ERG: variants seen among roughly 807,000 people sequenced by gnomAD.
ERG encodes transcriptional regulator ERG.
Under a neutral mutation model 55.3 loss-of-function variants are expected in ERG, and 9 were observed. The ratio of observed to expected loss-of-function variants is 0.16; its 90% CI spans 0.10 to 0.28. The LOEUF is 0.28. Among genes scored for constraint, ERG ranks in the 10% least tolerant of loss-of-function variants. The pLI is 1.00. For missense variants in ERG, 434 were observed against 631.6 expected, an observed-to-expected ratio of 0.69 and a Z score of 3.35; for synonymous variants, 223 against 237.3, an observed-to-expected ratio of 0.94 and a Z score of 0.55.
chr21:38,530,075 T>C (rs1408174916), intron 2 of ERG, among the ~76,000 whole-genome samples: 1 of 152,180 alleles, frequency 6.6e-6, no homozygotes, highest in Non-Finnish European at 1.5e-5. Context: ...TGTTTTTGTT[T>C]TTGAGACAGA....
chr21:38,615,977 T>G (rs1390430474), intron 1 of ERG, among the ~76,000 whole-genome samples: 2 of 152,084 alleles, frequency 1.3e-5, no homozygotes, highest in Non-Finnish European at 2.9e-5. Flanking sequence ...AAATCTCATC[T>G]CAATTTGTAA....
chr21:38,465,706 A>G (rs771479432), intron 1 of ERG, among the ~76,000 whole-genome samples: 2 of 152,214 alleles, frequency 1.3e-5, no homozygotes, highest in Non-Finnish European at 2.9e-5. Context: ...CTGCGTACTA[A>G]AATTGCTCTG....
rs548724235 is a variant in ERG at position 38,573,639 on chromosome 21, C to G, written c.-41+2023G>C. Reference sequence around the variant, plus strand: ...CTCACATGTTTTTTGCTGACCTTCTCCTTATTATCACCCTGCTCTCCTACT... The same window carrying G: ...CTCACATGTTTTTTGCTGACCTTCTGCTTATTATCACCCTGCTCTCCTACT... On this transcript the variant is annotated intron_variant, in intron 2 of 8. Transcript: ENST00000398897. Among the ~76,000 whole-genome samples the G allele has an allele frequency of 2.6e-5, 4 of 152,214 alleles. No individual in the cohort carries two copies. In the South Asian group the frequency reaches 6.2e-4, roughly 24 times the overall value.
intron 1 of ERG, among the ~76,000 whole-genome samples, chr21:38,596,719 G>A (rs568850085): frequency 6.6e-6 from 1 of 152,274 alleles, no homozygotes; most frequent in Non-Finnish European, 1.5e-5. Flanking sequence ...TTTTGGCAAC[G>A]AGTCTCTGAA....
chr21:38,486,091 G>A (rs1174987323), intron 1 of ERG, among the ~76,000 whole-genome samples: 1 of 151,696 alleles, frequency 6.6e-6, no homozygotes. Context: ...GTGCCACCAT[G>A]CCTGGCTAAT....
At chr21:38,590,568 T>TCATC (rs141969690) in intron 1 of ERG, among the ~76,000 whole-genome samples, 28,529 of 150,312 alleles carry the variant, frequency 0.19, 2,830 homozygotes, top group Admixed American at 0.26. Context: ...ATACAATTGT[T>TCATC]CATCCATCCA....
chr21:38,424,200 C>CTCTCTCTCTCTT (rs1989708592), intron 2 of ERG, among the ~76,000 whole-genome samples: 3 of 145,896 alleles, frequency 2.1e-5, no homozygotes, highest in Non-Finnish European at 4.6e-5. Flanking sequence ...CTCTCTCTCT[C>CTCTCTCTCTCTT]TCTCTCTCTC....
At chr21:38,554,813 C>T (rs1335015130) in intron 2 of ERG, among the ~76,000 whole-genome samples, 1 of 150,806 alleles carries the variant, frequency 6.6e-6, no homozygotes, top group Non-Finnish European at 1.5e-5. Flanking sequence ...CGTGTACCCC[C>T]GAACCTAAAA....
chr21:38,474,930 G>A (rs1194029619), intron 1 of ERG, among the ~76,000 whole-genome samples: 3 of 152,262 alleles, frequency 2.0e-5, no homozygotes, highest in East Asian at 1.9e-4. Context: ...TGATCACAGC[G>A]TGGCGGCTCT....
chr21:38,650,216 G>A (rs986221110), intron 1 of ERG, among the ~76,000 whole-genome samples: 1 of 152,164 alleles, frequency 6.6e-6, no homozygotes, highest in Non-Finnish European at 1.5e-5. Flanking sequence ...CCACAGACGA[G>A]AAATTTGCCT....
intron 2 of ERG, among the ~76,000 whole-genome samples, chr21:38,557,690 G>T (rs1209032272): frequency 6.6e-6 from 1 of 152,086 alleles, no homozygotes; most frequent in African/African-American, 2.4e-5. Context: ...ACCTCTTAAA[G>T]GTAAAGATAA....
At chr21:38,474,350 G>A (rs1039473625) in intron 1 of ERG, among the ~76,000 whole-genome samples, 4 of 152,072 alleles carry the variant, frequency 2.6e-5, no homozygotes, top group Non-Finnish European at 5.9e-5. Flanking sequence ...GGTGACAGGC[G>A]ACACCGCCTC....
chr21:38,406,154 C>CAAAGAAAAAAAA (rs1988758795), intron 3 of ERG, among the ~76,000 whole-genome samples: 1 of 95,080 alleles, frequency 1.1e-5, no homozygotes, highest in Non-Finnish European at 2.0e-5. Flanking sequence ...GACTCCATCT[C>CAAAGAAAAAAAA]AAAAAAAAAA....
intron 3 of ERG, among the ~76,000 whole-genome samples, chr21:38,409,432 G>A (rs1309337610): frequency 3.4e-5 from 5 of 146,724 alleles, no homozygotes; most frequent in Admixed American, 1.4e-4. Flanking sequence ...GCGATAAGCC[G>A]AGATTGCGCC....
At chr21:38,480,404 G>A (rs187376379) in intron 1 of ERG, among the ~76,000 whole-genome samples, 19 of 152,142 alleles carry the variant, frequency 1.2e-4, no homozygotes, top group Non-Finnish European at 2.2e-4. Context: ...ACAGCCTCCA[G>A]AAGGGACCAA....
chr21:38,412,073 T>C (rs1197187664), intron 3 of ERG, among the ~76,000 whole-genome samples: 2 of 152,228 alleles, frequency 1.3e-5, no homozygotes, highest in African/African-American at 4.8e-5. Context: ...TCTCAATCTT[T>C]GTTTGTGCAA....
At chr21:38,414,309 G>T (rs1989186451) in intron 3 of ERG, among the ~76,000 whole-genome samples, 1 of 152,154 alleles carries the variant, frequency 6.6e-6, no homozygotes, top group African/African-American at 2.4e-5. Flanking sequence ...TCACCCTAAT[G>T]ACCTCATCTT....
chr21:38,655,088 CATTTT>C (rs2060510919), intron 1 of ERG, among the ~76,000 whole-genome samples: 1 of 152,142 alleles, frequency 6.6e-6, no homozygotes. Context: ...CAAAACATTT[CATTTT>C]GCTAGTACAT....
intron 3 of ERG, among the ~76,000 whole-genome samples, chr21:38,411,958 CCA>C (rs1210567001): frequency 5.3e-5 from 8 of 152,172 alleles, no homozygotes; most frequent in Non-Finnish European, 1.0e-4. Context: ...TCAATTATCT[CCA>C]GTTATGCTTT....
Sources: gnomAD v4.1 joint callset for allele counts (sites outside exome capture counted in the v4.1 genomes callset) on GRCh38, gnomAD v4.1.1 for gene constraint, MANE v1.5 for transcripts, NCBI Gene and HGNC (gene_info 2026-07-23, HGNC 2026-07-21) for gene names.